LINGO2: variants seen among roughly 807,000 people sequenced by gnomAD.
LINGO2 encodes the protein leucine-rich repeat and immunoglobulin-like domain-containing nogo receptor-interacting protein 2.
A neutral mutation model predicts 30.6 loss-of-function variants in LINGO2; 14 were observed. The observed-to-expected ratio is 0.46, with a 90% CI of 0.30 to 0.72. LINGO2 has a LOEUF of 0.72. Among genes scored for constraint, LINGO2 ranks in the 30% least tolerant of loss-of-function variants. The pLI is 0.07. For missense variants in LINGO2, 729 were observed against 751.7 expected (o/e 0.97, Z 0.35); for synonymous variants, 317 against 288.5 (o/e 1.10, Z -1.00).
chr9:28,768,540 C>G, the LINGO2 span, among the ~76,000 whole-genome samples: 1 of 151,358 alleles, frequency 6.6e-6, no homozygotes, highest in East Asian at 2.0e-4. Flanking sequence ...TTCAATACTC[C>G]AAAGCTGAGC....
chr9:29,016,197 G>A, the LINGO2 span, among the ~76,000 whole-genome samples: 1 of 152,074 alleles, frequency 6.6e-6, no homozygotes. Flanking sequence ...CTTCTTTTCA[G>A]TGTTTGAAAC....
At chr9:28,512,046 C>A (rs538798486) in intron 1 of LINGO2, among the ~76,000 whole-genome samples, 2 of 142,530 alleles carry the variant, frequency 1.4e-5, no homozygotes, top group African/African-American at 5.5e-5. Context: ...GGATGGCAGG[C>A]GTGGAGGCCA....
the LINGO2 span, among the ~76,000 whole-genome samples, chr9:28,726,439 T>C: frequency 6.6e-6 from 1 of 152,158 alleles, no homozygotes; most frequent in East Asian, 1.9e-4. Context: ...AGAGAGCTCC[T>C]TGGATTTAAG....
intron 5 of LINGO2, among the ~76,000 whole-genome samples, chr9:27,973,297 A>G (rs1820439642): frequency 6.6e-6 from 1 of 152,186 alleles, no homozygotes; most frequent in South Asian, 2.1e-4. Context: ...CTAAGAAGTC[A>G]TCCTGGAAGA....
At chr9:28,340,201 T>A (rs7865773) in intron 3 of LINGO2, among the ~76,000 whole-genome samples, 1 of 152,198 alleles carries the variant, frequency 6.6e-6, no homozygotes, top group Admixed American at 6.6e-5. Flanking sequence ...TATCTGGGTC[T>A]CAGTTTCTTT....
chr9:29,072,936 T>C, the LINGO2 span, among the ~76,000 whole-genome samples: 24 of 136,720 alleles, frequency 1.8e-4, no homozygotes, highest in Admixed American at 4.4e-4. Flanking sequence ...CTCTCTCTCT[T>C]TCTCTCTCTC....
At chr9:28,575,411 C>A (rs12003234) in intron 1 of LINGO2, among the ~76,000 whole-genome samples, 162 of 144,162 alleles carry the variant, frequency 1.1e-3, no homozygotes, top group African/African-American at 3.1e-3. Context: ...AAAAAAACAA[C>A]AAAAAAAACA....
chr9:28,957,993 AC>A, the LINGO2 span, among the ~76,000 whole-genome samples: 1 of 152,188 alleles, frequency 6.6e-6, no homozygotes, highest in Non-Finnish European at 1.5e-5. Context: ...AGTTACATAA[AC>A]TTTTTCAAAG....
At chr9:29,071,159 G>T in the LINGO2 span, among the ~76,000 whole-genome samples, 1 of 108,868 alleles carries the variant, frequency 9.2e-6, no homozygotes, top group Non-Finnish European at 1.9e-5. Flanking sequence ...GAGAATTATT[G>T]TATTGTATTG....
the LINGO2 span, among the ~76,000 whole-genome samples, chr9:28,815,137 G>A: frequency 2.0e-4 from 30 of 152,194 alleles, no homozygotes; most frequent in Non-Finnish European, 3.5e-4. Context: ...TTTCTGAGAT[G>A]TAGATAAACC....
At chr9:28,575,340 A>G (rs1823907849) in intron 1 of LINGO2, among the ~76,000 whole-genome samples, 1 of 151,070 alleles carries the variant, frequency 6.6e-6, no homozygotes, top group Non-Finnish European at 1.5e-5. Flanking sequence ...CAGAGGTTGC[A>G]GTGAGCCAAG....
chr9:28,459,639 T>A (rs1466737449), intron 2 of LINGO2, among the ~76,000 whole-genome samples: 1 of 152,038 alleles, frequency 6.6e-6, no homozygotes, highest in Non-Finnish European at 1.5e-5. Flanking sequence ...AGAAATAATA[T>A]CTTTTCCACA....
intron 1 of LINGO2, among the ~76,000 whole-genome samples, chr9:28,502,515 A>T (rs1385552140): frequency 6.6e-6 from 1 of 152,068 alleles, no homozygotes; most frequent in Non-Finnish European, 1.5e-5. Flanking sequence ...CCAAAATGAA[A>T]ATTTATTTTA....
At chr9:28,578,838 A>T (rs1279512590) in intron 1 of LINGO2, among the ~76,000 whole-genome samples, 2 of 152,140 alleles carry the variant, frequency 1.3e-5, no homozygotes, top group South Asian at 2.1e-4. Context: ...GTATAAATTC[A>T]TGGTTGGTTT....
At position 28,467,041 on chromosome 9, in the gene LINGO2, G is replaced by T. The variant is rs150575978; in HGVS notation, c.-279+8899C>A. On this transcript the variant is annotated intron_variant, in intron 2 of 5. Transcript: ENST00000379992. ...AGCTGACTCTCTTTTTTTTTGGGGG[G>T]GGGGGACGGAGTCTCGCTCTGTTGC... 1.4e-3 allele frequency among the ~76,000 whole-genome samples: 211 copies of T among 150,654 alleles called. 3 individuals carry two copies. Among genetic ancestry groups the T allele is most frequent in the African/African-American group, 4.2e-3 (171 of 41,042 alleles).
intron 2 of LINGO2, among the ~76,000 whole-genome samples, chr9:28,403,811 G>T (rs1356790002): frequency 6.6e-6 from 1 of 151,812 alleles, no homozygotes; most frequent in Non-Finnish European, 1.5e-5. Context: ...TCAGGGACTG[G>T]ATCCTACTCA....
intron 4 of LINGO2, among the ~76,000 whole-genome samples, chr9:28,276,600 C>A (rs908847700): frequency 2.0e-5 from 3 of 152,162 alleles, no homozygotes; most frequent in Non-Finnish European, 4.4e-5. Flanking sequence ...TTGGAAAAGT[C>A]TTTGTTGGAT....
At chr9:28,972,645 GC>G in the LINGO2 span, among the ~76,000 whole-genome samples, 1 of 152,146 alleles carries the variant, frequency 6.6e-6, no homozygotes, top group Non-Finnish European at 1.5e-5. Context: ...TTCTCATGCT[GC>G]TAATAATGAC....
At chr9:28,138,716 T>C (rs916878411) in intron 4 of LINGO2, among the ~76,000 whole-genome samples, 2 of 152,216 alleles carry the variant, frequency 1.3e-5, no homozygotes, top group East Asian at 1.9e-4. Context: ...CTAATGCTAA[T>C]ATTAACAAGC....
Sources: allele counts gnomAD v4.1 joint callset (sites outside exome capture counted in the v4.1 genomes callset), GRCh38; gene constraint gnomAD v4.1.1; transcripts MANE v1.5; gene names NCBI Gene and HGNC (gene_info 2026-07-23, HGNC 2026-07-21).